Variants in NAV3 observed in about 807,000 individuals in gnomAD.
The protein encoded by NAV3 is neuron navigator 3.
Under a neutral mutation model 244.7 loss-of-function variants are expected in NAV3, and 87 were observed. The observed-to-expected ratio is 0.36, with a 90% CI of 0.30 to 0.42. The LOEUF (loss-of-function observed/expected upper bound fraction) is 0.42. Among genes scored for constraint, NAV3 ranks in the 20% least tolerant of loss-of-function variants. The pLI is 1.00. For missense variants in NAV3, 2,663 were observed against 2,893.3 expected (o/e 0.92, Z 1.83); for synonymous variants, 1,126 against 1,042.2 (o/e 1.08, Z -1.55).
chr12:77,844,842 G>C (rs2136198258), intron 1 of NAV3, among the ~76,000 whole-genome samples: 1 of 152,242 alleles, frequency 6.6e-6, no homozygotes, highest in East Asian at 1.9e-4. Context: ...TAGTCAGGTG[G>C]CCTGAATTGG....
At chr12:77,670,462 C>G (rs1376846970) in intron 2 of NAV3, among the ~76,000 whole-genome samples, 2 of 151,842 alleles carry the variant, frequency 1.3e-5, no homozygotes, top group Non-Finnish European at 2.9e-5. Flanking sequence ...ACTCTAGTAC[C>G]AAAACTAGGG....
At chr12:77,782,109 A>G (rs928216097) in intron 2 of NAV3, among the ~76,000 whole-genome samples, 1 of 152,156 alleles carries the variant, frequency 6.6e-6, no homozygotes, top group Non-Finnish European at 1.5e-5. Context: ...TTAGATTCCT[A>G]AAAGTCTCCT....
At chr12:78,094,775 A>G (rs560228736) in intron 12 of NAV3, among the ~76,000 whole-genome samples, 139 of 152,112 alleles carry the variant, frequency 9.1e-4, no homozygotes, top group African/African-American at 3.2e-3. Context: ...TTGGCCAGGC[A>G]TGGTGGCTCA....
chr12:78,092,494 T>TC (rs1299374373), intron 12 of NAV3, among the ~76,000 whole-genome samples: 5 of 129,698 alleles, frequency 3.9e-5, no homozygotes, highest in Middle Eastern at 3.7e-3. Context: ...TTATTTTCTT[T>TC]TTTTTTTTTT....
intron 2 of NAV3, among the ~76,000 whole-genome samples, chr12:77,785,753 C>T (rs1480881837): frequency 6.6e-6 from 1 of 152,142 alleles, no homozygotes; most frequent in Non-Finnish European, 1.5e-5. Flanking sequence ...CTGCCTGCTT[C>T]ATGGTCTTTC....
chr12:78,018,327 G>C (rs987220710), intron 8 of NAV3, among the ~76,000 whole-genome samples: 1 of 152,162 alleles, frequency 6.6e-6, no homozygotes, highest in Non-Finnish European at 1.5e-5. Flanking sequence ...CAGACAGGGG[G>C]AATGGGAACT....
At chr12:77,812,725 G>A (rs1411923509) in intron 2 of NAV3, among the ~76,000 whole-genome samples, 1 of 152,078 alleles carries the variant, frequency 6.6e-6, no homozygotes, top group Non-Finnish European at 1.5e-5. Context: ...ACTGCACCTG[G>A]TCAGGAATTT....
chr12:78,113,115 C>T lies in NAV3; in HGVS notation c.2637-3657C>T, dbSNP rs186581781. Among the ~76,000 whole-genome samples, 60 of 152,342 alleles carry T rather than the reference C, an allele frequency of 3.9e-4. No homozygotes were observed. The South Asian group carries it at 8.5e-3, about 22-fold the overall frequency. On this transcript the variant is annotated intron_variant, in intron 12 of 39. Coordinates refer to ENST00000397909, the MANE Select transcript of NAV3 (RefSeq NM_001024383.2). ...GTCATGATTATGCAAGAGGTGGGCTCCCACAGCTTTGGGCAGCTCTGCCTC... is the reference window on the plus strand; with the variant it reads ...GTCATGATTATGCAAGAGGTGGGCTTCCACAGCTTTGGGCAGCTCTGCCTC...
rs372656724 is a variant in NAV3 at position 77,984,126 on chromosome 12, A to C, written c.672-10677A>C. On this transcript the variant is annotated intron_variant, in intron 5 of 39. Transcript: ENST00000397909. ...TTTCTAATGATTTCTTACTGGGCTA[A>C]GTCCTGTGGGACTTATGTTGTTGAC... Among the ~76,000 whole-genome samples the C allele has an allele frequency of 7.9e-5, 12 of 152,316 alleles. No individual in the cohort carries two copies. The East Asian group carries it at 1.9e-3, about 25-fold the overall frequency.
intron 2 of NAV3, among the ~76,000 whole-genome samples, chr12:77,657,583 G>C (rs866327655): frequency 0.039 from 5,951 of 152,166 alleles, 188 homozygotes; most frequent in African/African-American, 0.052. Flanking sequence ...TAGAAAAAGA[G>C]GGAATCCTCC....
intron 12 of NAV3, among the ~76,000 whole-genome samples, chr12:78,096,619 C>G (rs1000790147): frequency 1.3e-5 from 2 of 152,076 alleles, no homozygotes; most frequent in African/African-American, 2.4e-5. Context: ...GAACTGCTCT[C>G]CATAAAACCA....
chr12:77,819,870 A>G (rs969519764), intron 2 of NAV3, among the ~76,000 whole-genome samples: 72 of 152,188 alleles, frequency 4.7e-4, no homozygotes, highest in African/African-American at 1.5e-3. Flanking sequence ...TGTGGTTCGT[A>G]AAACCAATAA....
At chr12:77,820,089 A>AGTGTGT (rs77744703) in intron 2 of NAV3, among the ~76,000 whole-genome samples, 280 of 151,182 alleles carry the variant, frequency 1.9e-3, no homozygotes, top group Middle Eastern at 3.4e-3. Context: ...AATAAATTGA[A>AGTGTGT]GTGTGTGTGT....
chr12:78,034,662 T>C (rs1295957351), intron 9 of NAV3, among the ~76,000 whole-genome samples: 1 of 152,246 alleles, frequency 6.6e-6, no homozygotes, highest in African/African-American at 2.4e-5. Context: ...TATTAGCATA[T>C]ATACTAGTGT....
intron 2 of NAV3, among the ~76,000 whole-genome samples, chr12:77,632,296 G>C (rs1038660014): frequency 6.6e-6 from 1 of 152,136 alleles, no homozygotes. Flanking sequence ...GTATTAGCCC[G>C]TTTTCACACT....
chr12:78,140,785 G>A (rs1956575435), intron 20 of NAV3, among the ~76,000 whole-genome samples: 1 of 151,538 alleles, frequency 6.6e-6, no homozygotes, highest in African/African-American at 2.4e-5. Context: ...GGTAAAAGCA[G>A]TAAGGGTAAA....
At chr12:78,173,716 A>G (rs1958101525) in intron 24 of NAV3, among the ~76,000 whole-genome samples, 1 of 150,786 alleles carries the variant, frequency 6.6e-6, no homozygotes, top group East Asian at 2.0e-4. Context: ...TTTTAAAACA[A>G]TGTTAAGAGA....
intron 5 of NAV3, among the ~76,000 whole-genome samples, chr12:77,984,553 T>A (rs1306258474): frequency 1.3e-5 from 2 of 151,648 alleles, no homozygotes; most frequent in Non-Finnish European, 2.9e-5. Flanking sequence ...AATTTGGTCC[T>A]CATAAAAGCC....
chr12:77,762,368 G>A (rs1869514714), intron 2 of NAV3, among the ~76,000 whole-genome samples: 1 of 151,970 alleles, frequency 6.6e-6, no homozygotes, highest in South Asian at 2.1e-4. Flanking sequence ...TATGACACTT[G>A]TCTACCTATG....
Sources: gnomAD v4.1 joint callset for allele counts (sites outside exome capture counted in the v4.1 genomes callset) on GRCh38, gnomAD v4.1.1 for gene constraint, MANE v1.5 for transcripts, NCBI Gene and HGNC (gene_info 2026-07-23, HGNC 2026-07-21) for gene names.